Variants in GLIS3 observed in about 807,000 individuals in gnomAD.
GLIS3 encodes the protein zinc finger protein GLIS3.
A neutral mutation model predicts 78.6 loss-of-function variants in GLIS3; 53 were observed. The observed-to-expected ratio is 0.67, with a 90% confidence interval of 0.54 to 0.85. The LOEUF is 0.85. Among genes scored for constraint, GLIS3 ranks in the 40% least tolerant of loss-of-function variants. GLIS3 has a pLI of 0.00. For missense variants in GLIS3, 1,703 were observed against 1,231.1 expected (o/e 1.38, Z -5.74); for synonymous variants, 684 against 509.9 (o/e 1.34, Z -4.60).
chr9:4,242,072 T>C (rs1823373345), intron 2 of GLIS3, among the ~76,000 whole-genome samples: 1 of 152,218 alleles, frequency 6.6e-6, no homozygotes, highest in African/African-American at 2.4e-5. Context: ...ATCCTGCTGC[T>C]TTGGGTCTCT....
intron 2 of GLIS3, among the ~76,000 whole-genome samples, chr9:4,331,167 C>A (rs751081731): frequency 1.6e-4 from 25 of 152,144 alleles, no homozygotes; most frequent in Non-Finnish European, 3.4e-4. Flanking sequence ...CCACACTCCC[C>A]CTGAAAGCTC....
chr9:4,381,376 G>C, the GLIS3 span, among the ~76,000 whole-genome samples: 1 of 152,188 alleles, frequency 6.6e-6, no homozygotes, highest in Non-Finnish European at 1.5e-5. Context: ...TCATAAGGTA[G>C]TTAAAGAGGG....
intron 2 of GLIS3, among the ~76,000 whole-genome samples, chr9:4,282,688 G>A (rs1827664042): frequency 1.3e-5 from 2 of 151,950 alleles, no homozygotes; most frequent in Non-Finnish European, 2.9e-5. Context: ...TGTAGATCCT[G>A]GAACCTGCCA....
In GLIS3 at chr9:4,242,863, G is replaced by A. The variant is rs538827912; in HGVS notation, c.388+43175C>T. 1.1e-4 allele frequency among the ~76,000 whole-genome samples: 17 copies of A among 151,982 alleles called. No homozygotes were observed. In the South Asian group the frequency reaches 2.5e-3, roughly 22 times the overall value. The stretch of plus-strand genomic sequence containing the variant: ...TAAAATATATTATTAATATTAACTT[G>A]TTTCATTTTACTTTTTTAATGTGGC... On this transcript the variant is annotated intron_variant, in intron 2 of 10. Coordinates refer to ENST00000381971, the MANE Select transcript of GLIS3 (RefSeq NM_001042413.2).
chr9:4,272,195 G>C (rs147389643), intron 2 of GLIS3, among the ~76,000 whole-genome samples: 1 of 152,120 alleles, frequency 6.6e-6, no homozygotes, highest in African/African-American at 2.4e-5. Flanking sequence ...GTTGCGAATG[G>C]CACTTTTAAC....
At chr9:4,237,586 G>T (rs1289233822) in intron 2 of GLIS3, among the ~76,000 whole-genome samples, 1 of 152,144 alleles carries the variant, frequency 6.6e-6, no homozygotes, top group Non-Finnish European at 1.5e-5. Flanking sequence ...CTGTTTCAGT[G>T]TAGCACTTTC....
At chr9:4,145,784 C>G (rs576793188) in intron 2 of GLIS3, among the ~76,000 whole-genome samples, 70 of 152,060 alleles carry the variant, frequency 4.6e-4, no homozygotes, top group Admixed American at 1.4e-3. Flanking sequence ...CTCTCCCTCT[C>G]TCTCCTTTAG....
At chr9:4,215,542 C>T (rs12006019) in intron 2 of GLIS3, among the ~76,000 whole-genome samples, 22,043 of 152,110 alleles carry the variant, frequency 0.14, 1,874 homozygotes, top group African/African-American at 0.23. Context: ...TTTCCCAATG[C>T]TCTGCTTTCA....
At chr9:4,043,261 G>C in intron 4 of GLIS3, among the ~76,000 whole-genome samples, 1 of 151,622 alleles carries the variant, frequency 6.6e-6, no homozygotes, top group African/African-American at 2.4e-5. Context: ...GGTTCTGTCA[G>C]AATTAATTTT....
chr9:4,069,871 G>T (rs938437756), intron 4 of GLIS3, among the ~76,000 whole-genome samples: 1 of 151,928 alleles, frequency 6.6e-6, no homozygotes, highest in Non-Finnish European at 1.5e-5. Flanking sequence ...CCAGCTTGAG[G>T]TGTAACTCTG....
intron 2 of GLIS3, among the ~76,000 whole-genome samples, chr9:4,321,151 TG>T (rs1162500008): frequency 1.3e-5 from 2 of 151,530 alleles, no homozygotes; most frequent in South Asian, 4.2e-4. Flanking sequence ...CCGGGCGCGG[TG>T]GCTCACGCCT....
the GLIS3 span, among the ~76,000 whole-genome samples, chr9:4,462,068 G>T: frequency 2.9e-3 from 448 of 152,300 alleles, 2 homozygotes; most frequent in African/African-American, 0.011. Flanking sequence ...TGGCATGTCT[G>T]TGTTACAGAA....
intron 7 of GLIS3, among the ~76,000 whole-genome samples, chr9:3,887,614 G>A (rs189012789): frequency 6.6e-6 from 1 of 152,174 alleles, no homozygotes; most frequent in African/African-American, 2.4e-5. Flanking sequence ...TCATGCAGCT[G>A]GATTTATAGC....
At chr9:4,171,199 A>G (rs948952954) in intron 2 of GLIS3, among the ~76,000 whole-genome samples, 1 of 152,212 alleles carries the variant, frequency 6.6e-6, no homozygotes, top group Non-Finnish European at 1.5e-5. Flanking sequence ...GGGCATGGCA[A>G]TATACATATA....
At chr9:3,976,565 C>T (rs541123664) in intron 4 of GLIS3, among the ~76,000 whole-genome samples, 10 of 151,784 alleles carry the variant, frequency 6.6e-5, no homozygotes, top group African/African-American at 2.4e-4. Flanking sequence ...AAATGCTCCC[C>T]TCTGACACCC....
At chr9:4,391,237 C>T in the GLIS3 span, among the ~76,000 whole-genome samples, 298 of 152,272 alleles carry the variant, frequency 2.0e-3, 1 homozygote, top group Non-Finnish European at 3.8e-3. Flanking sequence ...ACAGTGGGGA[C>T]ATGGGGGGTA....
At chr9:4,295,418 A>G (rs1816392603) in intron 1 of GLIS3, among the ~76,000 whole-genome samples, 3 of 152,174 alleles carry the variant, frequency 2.0e-5, no homozygotes. Context: ...ATGCCTCACT[A>G]ATTTCTGCAA....
intron 2 of GLIS3, among the ~76,000 whole-genome samples, chr9:4,241,408 C>T (rs1444710733): frequency 1.3e-5 from 2 of 152,036 alleles, no homozygotes; most frequent in African/African-American, 2.4e-5. Flanking sequence ...ACTAAGTTGA[C>T]TATAGTTTAG....
At chr9:3,890,985 A>G (rs1199849361) in intron 7 of GLIS3, among the ~76,000 whole-genome samples, 1 of 151,198 alleles carries the variant, frequency 6.6e-6, no homozygotes, top group Non-Finnish European at 1.5e-5. Flanking sequence ...GTAAAGAAAC[A>G]TATTTCAGTT....
Sources: gnomAD v4.1 joint callset for allele counts (sites outside exome capture counted in the v4.1 genomes callset) on GRCh38, gnomAD v4.1.1 for gene constraint, MANE v1.5 for transcripts, NCBI Gene and HGNC (gene_info 2026-07-23, HGNC 2026-07-21) for gene names.